The following STXBP5L variants were observed in gnomAD, a reference collection of about 807,000 sequenced individuals.
STXBP5L encodes syntaxin binding protein 5L.
STXBP5L carries 65 observed loss-of-function variants against 144.5 expected under a neutral mutation model. That is an observed-to-expected ratio of 0.45 (90% CI 0.37 to 0.55). The LOEUF is 0.55. STXBP5L is among the 20% of genes least tolerant of loss of function. The probability of loss-of-function intolerance (pLI) is 0.00; values close to 1 mark genes in which losing one functional copy is unlikely to be tolerated. For missense variants in STXBP5L, 1,298 were observed against 1,405.5 expected, an observed-to-expected ratio of 0.92 and a Z score of 1.22; for synonymous variants, 505 against 469.6, an observed-to-expected ratio of 1.08 and a Z score of -0.97.
intron 21 of STXBP5L, among the ~76,000 whole-genome samples, chr3:121,379,089 A>G (rs1267543069): frequency 2.0e-5 from 3 of 152,026 alleles, no homozygotes; most frequent in Non-Finnish European, 2.9e-5. Context: ...TAAAACCAGA[A>G]TGCCTCTGCT....
chr3:121,406,245 A>C (rs907606226), intron 22 of STXBP5L, among the ~76,000 whole-genome samples: 9 of 152,074 alleles, frequency 5.9e-5, no homozygotes, highest in Non-Finnish European at 1.0e-4. Context: ...AACACAACTA[A>C]GATATTAGAT....
chr3:121,346,899 C>G (rs1002283334), intron 20 of STXBP5L, among the ~76,000 whole-genome samples: 36 of 151,926 alleles, frequency 2.4e-4, no homozygotes, highest in African/African-American at 8.7e-4. Flanking sequence ...CCATTCTGTA[C>G]ATTGCCTGTT....
chr3:121,159,691 G>A (rs911627032), intron 9 of STXBP5L, among the ~76,000 whole-genome samples: 1 of 148,106 alleles, frequency 6.8e-6, no homozygotes, highest in African/African-American at 2.5e-5. Context: ...CTGCAGTGGC[G>A]CTGTCTTGGC....
At chr3:121,353,292 T>C (rs1359676972) in intron 20 of STXBP5L, among the ~76,000 whole-genome samples, 1 of 152,128 alleles carries the variant, frequency 6.6e-6, no homozygotes, top group East Asian at 1.9e-4. Flanking sequence ...GTAGAATTTG[T>C]CTGTGAATCC....
chr3:121,084,655 C>T (rs1476976782), intron 5 of STXBP5L, among the ~76,000 whole-genome samples: 1 of 152,104 alleles, frequency 6.6e-6, no homozygotes, highest in Non-Finnish European at 1.5e-5. Flanking sequence ...ATGAATAGTG[C>T]TGCAATAAAC....
chr3:120,951,869 G>A lies in STXBP5L; in HGVS notation c.190-3071G>A, dbSNP rs549093945. Among the ~76,000 whole-genome samples, 700 of 151,974 alleles carry A rather than the reference G, an allele frequency of 4.6e-3. 2 individuals are homozygous for A. Among genetic ancestry groups the A allele is most frequent in the African/African-American group, 0.014 (591 of 41,432 alleles). ...ACACATGCACACGTATGTTTATTGC[G>A]GCACTATTCACAATAGCAAAGACTT... is the stretch of plus-strand genomic sequence containing the variant. On this transcript the variant is annotated intron_variant, in intron 2 of 26. Coordinates refer to ENST00000471454, the MANE Select transcript of STXBP5L (RefSeq NM_001308330.2).
Position 121,274,220 on chromosome 3 carries a change from A to G in STXBP5L, c.1959-5585A>G, listed in dbSNP as rs553713170. Reference sequence around the variant, plus strand: ...GATCTGGTCTTTTTGAAGTAGATACAGTGGGGAAATGCTTTCAGCTGTGAA... The same window carrying G: ...GATCTGGTCTTTTTGAAGTAGATACGGTGGGGAAATGCTTTCAGCTGTGAA... On this transcript the variant is annotated intron_variant, in intron 18 of 26. Coordinates refer to ENST00000471454, the MANE Select transcript of STXBP5L (RefSeq NM_001308330.2). Among the ~76,000 whole-genome samples the G allele has an allele frequency of 3.3e-5, 5 of 152,214 alleles. No individual in the cohort carries two copies. The East Asian group carries it at 7.7e-4, about 23-fold the overall frequency.
intron 3 of STXBP5L, among the ~76,000 whole-genome samples, chr3:120,988,036 A>G (rs543665650): frequency 6.6e-6 from 1 of 150,500 alleles, no homozygotes; most frequent in South Asian, 2.1e-4. Context: ...GTAGTTTGTC[A>G]TCAGTCTTAC....
chr3:120,912,571 G>A (rs1172632351), intron 2 of STXBP5L, among the ~76,000 whole-genome samples: 1 of 151,066 alleles, frequency 6.6e-6, no homozygotes. Context: ...AAATATCTAT[G>A]AGATGTTCAA....
chr3:121,303,552 C>T (rs1412655119), intron 19 of STXBP5L, among the ~76,000 whole-genome samples: 1 of 152,130 alleles, frequency 6.6e-6, no homozygotes, highest in Non-Finnish European at 1.5e-5. Flanking sequence ...GATTATAAAT[C>T]ATGCTGCTAT....
At chr3:121,244,404 T>G (rs974607512) in intron 14 of STXBP5L, among the ~76,000 whole-genome samples, 5 of 151,212 alleles carry the variant, frequency 3.3e-5, no homozygotes, top group African/African-American at 1.2e-4. Flanking sequence ...TACAAACACA[T>G]TCAAGTGGAC....
At chr3:121,371,227 A>G (rs1296690844) in intron 20 of STXBP5L, among the ~76,000 whole-genome samples, 2 of 152,120 alleles carry the variant, frequency 1.3e-5, no homozygotes, top group Admixed American at 6.5e-5. Flanking sequence ...TGATTGTGGT[A>G]TAATATGGGC....
At chr3:121,195,115 G>A (rs1240953255) in intron 9 of STXBP5L, among the ~76,000 whole-genome samples, 2 of 151,444 alleles carry the variant, frequency 1.3e-5, no homozygotes, top group African/African-American at 2.4e-5. Context: ...AAATTTAGAC[G>A]GGATTTCATT....
intron 9 of STXBP5L, among the ~76,000 whole-genome samples, chr3:121,187,884 G>A (rs937980312): frequency 2.0e-5 from 3 of 151,734 alleles, no homozygotes; most frequent in Non-Finnish European, 2.9e-5. Context: ...AAAAAGCAGC[G>A]GTTGCAATCC....
chr3:121,033,666 C>G (rs1232174828), intron 3 of STXBP5L, among the ~76,000 whole-genome samples: 1 of 151,056 alleles, frequency 6.6e-6, no homozygotes, highest in South Asian at 2.1e-4. Context: ...CAATACATTA[C>G]CAAGTAGTCT....
intron 21 of STXBP5L, among the ~76,000 whole-genome samples, chr3:121,379,198 G>A (rs1415727835): frequency 6.6e-6 from 1 of 152,020 alleles, no homozygotes; most frequent in Non-Finnish European, 1.5e-5. Flanking sequence ...CAATCCCAAT[G>A]GTAAGCTTTT....
At chr3:121,254,283 A>T (rs548405808) in intron 15 of STXBP5L, among the ~76,000 whole-genome samples, 19 of 152,162 alleles carry the variant, frequency 1.2e-4, no homozygotes, top group African/African-American at 4.3e-4. Context: ...ATTCTTAAAA[A>T]CAGTTCACAA....
At chr3:121,087,105 G>A (rs2042537512) in intron 5 of STXBP5L, among the ~76,000 whole-genome samples, 3 of 152,038 alleles carry the variant, frequency 2.0e-5, no homozygotes, top group Admixed American at 1.3e-4. Flanking sequence ...ACCCCAGGAT[G>A]TAGCTCATCT....
chr3:121,074,646 G>C (rs4676841), intron 5 of STXBP5L, among the ~76,000 whole-genome samples: 1 of 151,864 alleles, frequency 6.6e-6, no homozygotes, highest in African/African-American at 2.4e-5. Flanking sequence ...TCATTTTCCC[G>C]CTGGCAAAAT....
Sources: gnomAD v4.1 joint callset for allele counts (sites outside exome capture counted in the v4.1 genomes callset) on GRCh38, gnomAD v4.1.1 for gene constraint, MANE v1.5 for transcripts, NCBI Gene and HGNC (gene_info 2026-07-23, HGNC 2026-07-21) for gene names.